The following PLCG2 variants were observed in gnomAD, a reference collection of about 807,000 sequenced individuals.
PLCG2 encodes the protein 1-phosphatidylinositol 4,5-bisphosphate phosphodiesterase gamma-2.
A neutral mutation model predicts 175.6 loss-of-function variants in PLCG2; 69 were observed. The observed-to-expected ratio is 0.39, with a 90% CI of 0.32 to 0.48. The LOEUF (loss-of-function observed/expected upper bound fraction) is 0.48. Among genes scored for constraint, PLCG2 ranks in the 20% least tolerant of loss-of-function variants. The pLI is 0.91. For synonymous variants in PLCG2, 827 were observed against 624.0 expected, an observed-to-expected ratio of 1.33 and a Z score of -4.85; for missense variants, 1,798 against 1,650.9, an observed-to-expected ratio of 1.09 and a Z score of -1.54.
intron 2 of PLCG2, among the ~76,000 whole-genome samples, chr16:81,761,484 G>A (rs559931314): frequency 1.3e-5 from 2 of 152,336 alleles, no homozygotes; most frequent in Non-Finnish European, 2.9e-5. Context: ...TAATGGTTAA[G>A]CTTGGGCAGC....
rs1904939451 is a variant in PLCG2 at position 81,824,128 on chromosome 16, C to CCTCTCTTT, written c.194-30305_194-30298dup. On this transcript the variant is annotated intron_variant, in intron 2 of 32. Coordinates refer to ENST00000564138, the MANE Select transcript of PLCG2 (RefSeq NM_002661.5). ...CTTTCCCTCCTTCCCTCCCTCCCTC[C>CCTCTCTTT]CTCTCTTTCTCTCTTTCTTTCTTTC... Among the ~76,000 whole-genome samples, 10 of 142,844 alleles carry CCTCTCTTT rather than the reference C, an allele frequency of 7.0e-5. No individual in the cohort carries two copies. The South Asian group carries it at 2.4e-3, about 34-fold the overall frequency. The allele number at this position is 142,844 out of a possible 152,430, so 93.7% of individuals were successfully genotyped here. A position where few individuals can be genotyped will look rare whatever the true frequency, so the allele number is the denominator to read the frequency against.
rs772501806 is a variant in PLCG2, at chr16:81,905,417, C to A, written c.1377C>A (p.Gly459=). 4 of 1,613,290 alleles carry A rather than the reference C, an allele frequency of 2.5e-6. No individual in the cohort carries two copies. The highest frequency in any genetic ancestry group is 3.4e-6 in the Non-Finnish European group (4 of 1,179,362). The change falls in exon 15 of 33, where the codon GGC becomes GGA. Residue 459 remains glycine, a synonymous_variant. Transcript: ENST00000564138. ...TTTCCCCTCAGCATAAGAAGCTGGGCCCCCGAGGCGATGTGGATGTCAACA... is the reference window on the plus strand; with the variant it reads ...TTTCCCCTCAGCATAAGAAGCTGGGACCCCGAGGCGATGTGGATGTCAACA... ...EKIIIKHKKL[G]PRGDVDVNME...
intron 1 of PLCG2, among the ~76,000 whole-genome samples, chr16:81,782,963 C>G (rs1055452663): frequency 6.6e-6 from 1 of 152,154 alleles, no homozygotes; most frequent in Admixed American, 6.5e-5. Context: ...TATTACAAAG[C>G]AATTGGTGAG....
In PLCG2 at chr16:81,783,151, G is replaced by C. The variant is rs370590867; in HGVS notation, c.-47-2792G>C. On this transcript the variant is annotated intron_variant, in intron 1 of 32. Coordinates refer to ENST00000564138, the MANE Select transcript of PLCG2 (RefSeq NM_002661.5). ...GTCTAATTGAAGGTGTTATAATGGG[G>C]CTTGTGTTTCCTACTTATGTTCCAG... The C allele has an allele frequency of 5.7e-5, 28 of 490,726 alleles. No homozygotes were observed. In the East Asian group the frequency reaches 1.5e-3, roughly 27 times the overall value. The allele number at this position is 490,726 out of a possible 1,614,324, so 30.4% of individuals were successfully genotyped here.
intron 2 of PLCG2, among the ~76,000 whole-genome samples, chr16:81,824,597 C>A (rs756400554): frequency 3.2e-4 from 48 of 152,222 alleles, no homozygotes; most frequent in Non-Finnish European, 6.6e-4. Context: ...GTGTGCCACA[C>A]TGGTGAGATA....
In PLCG2 at chr16:81,959,354, C is replaced by A. The variant is rs752989555; in HGVS notation, c.*1356C>A. On this transcript the variant is annotated 3_prime_UTR_variant, in exon 33 of 33. Coordinates refer to ENST00000564138, the MANE Select transcript of PLCG2 (RefSeq NM_002661.5). ...TGCTGAAAAGCAGGGCAGAACAAAT[C>A]AGGCTCTGACCAGAAGATCCTTCTG... 9.0e-6 allele frequency: 2 copies of A among 221,788 alleles called. No homozygotes were observed. The highest frequency in any genetic ancestry group is 1.8e-5 in the Non-Finnish European group (2 of 110,870). The allele number at this position is 221,788 out of a possible 1,614,324, so 13.7% of individuals were successfully genotyped here. A position where few individuals can be genotyped will look rare whatever the true frequency, so the allele number is the denominator to read the frequency against.
intron 2 of PLCG2, among the ~76,000 whole-genome samples, chr16:81,829,525 CTG>C (rs1905177742): frequency 6.6e-6 from 1 of 152,198 alleles, no homozygotes. Flanking sequence ...GCCCATTTCT[CTG>C]TTTTATATTG....
At chr16:81,939,807 A>G in intron 29 of PLCG2, 85 bp from the exon 30 acceptor site, 1 of 852,346 alleles carries the variant, frequency 1.2e-6, no homozygotes, top group Non-Finnish European at 2.0e-6. Context: ...TGCTAAGGGG[A>G]TTCACAGCTG....
intron 2 of PLCG2, among the ~76,000 whole-genome samples, chr16:81,800,801 C>T (rs1911685878): frequency 1.3e-5 from 2 of 152,060 alleles, no homozygotes; most frequent in African/African-American, 2.4e-5. Context: ...CAAAATGCTC[C>T]TTGCAGATTG....
At chr16:81,849,690 G>A (rs1299129592) in intron 2 of PLCG2, among the ~76,000 whole-genome samples, 1 of 142,290 alleles carries the variant, frequency 7.0e-6, no homozygotes, top group East Asian at 2.2e-4. Flanking sequence ...AGAATCACTT[G>A]AACCCAGGAG....
intron 2 of PLCG2, among the ~76,000 whole-genome samples, chr16:81,765,011 C>T (rs1597306734): frequency 7.0e-6 from 1 of 143,586 alleles, no homozygotes; most frequent in Non-Finnish European, 1.6e-5. Flanking sequence ...ATTGGTTTAG[C>T]CTAGAGGTGA....
intron 2 of PLCG2, among the ~76,000 whole-genome samples, chr16:81,764,045 C>G (rs534860622): frequency 6.6e-6 from 1 of 152,102 alleles, no homozygotes; most frequent in Non-Finnish European, 1.5e-5. Flanking sequence ...GTAATCCCAG[C>G]ACTTTGGGAG....
At chr16:81,803,799 A>G (rs1911869066) in intron 2 of PLCG2, among the ~76,000 whole-genome samples, 1 of 151,946 alleles carries the variant, frequency 6.6e-6, no homozygotes, top group Non-Finnish European at 1.5e-5. Flanking sequence ...CTCGTGCCTC[A>G]GCCTCCTGAG....
At chr16:81,744,157 C>A (rs1331934766) in intron 1 of PLCG2, among the ~76,000 whole-genome samples, 1 of 150,532 alleles carries the variant, frequency 6.6e-6, no homozygotes, top group Non-Finnish European at 1.5e-5. Flanking sequence ...CGTGCCCAGC[C>A]AACTTCCCTT....
intron 2 of PLCG2, among the ~76,000 whole-genome samples, chr16:81,768,994 C>T (rs1287215162): frequency 6.6e-6 from 1 of 152,220 alleles, no homozygotes; most frequent in Non-Finnish European, 1.5e-5. Flanking sequence ...TCCTCAGAGC[C>T]TGTAGTAGTA....
At chr16:81,907,061 C>T (rs1226611028) in intron 15 of PLCG2, among the ~76,000 whole-genome samples, 1 of 148,002 alleles carries the variant, frequency 6.8e-6, no homozygotes. Context: ...AAAAACAGTG[C>T]AGCACACCAA....
intron 2 of PLCG2, among the ~76,000 whole-genome samples, chr16:81,799,588 C>T (rs1911628889): frequency 7.0e-6 from 1 of 142,370 alleles, no homozygotes; most frequent in South Asian, 2.4e-4. Flanking sequence ...CTGAGCCTGG[C>T]CTGTTATTAA....
chr16:81,863,524 T>C (rs1381477446), intron 5 of PLCG2, among the ~76,000 whole-genome samples: 2 of 152,230 alleles, frequency 1.3e-5, no homozygotes, highest in Non-Finnish European at 2.9e-5. Context: ...TGTACAAATC[T>C]GTTTGAGTCT....
intron 2 of PLCG2, among the ~76,000 whole-genome samples, chr16:81,756,979 T>A (rs977142590): frequency 5.3e-5 from 8 of 152,210 alleles, no homozygotes; most frequent in African/African-American, 1.9e-4. Context: ...GCTGCTACTT[T>A]GGGCAAAGGA....
Sources: gnomAD v4.1 joint callset for allele counts (sites outside exome capture counted in the v4.1 genomes callset) on GRCh38, gnomAD v4.1.1 for gene constraint, MANE v1.5 for transcripts, NCBI Gene and HGNC (gene_info 2026-07-23, HGNC 2026-07-21) for gene names.